CTNNA3: variants seen among roughly 807,000 people sequenced by gnomAD.
CTNNA3 encodes catenin alpha-3.
Under a neutral mutation model 95.7 loss-of-function variants are expected in CTNNA3, and 76 were observed. That is an observed-to-expected ratio of 0.79 (90% CI 0.66 to 0.96). CTNNA3 has a LOEUF of 0.96. Ranked by LOEUF, CTNNA3 falls within the 40% of genes least tolerant of loss-of-function variation. The pLI is 0.00. For missense variants in CTNNA3, 1,191 were observed against 1,089.8 expected, an observed-to-expected ratio of 1.09 and a Z score of -1.31; for synonymous variants, 431 against 374.4, an observed-to-expected ratio of 1.15 and a Z score of -1.74.
chr10:66,345,414 A>G (rs2092499012), intron 12 of CTNNA3, among the ~76,000 whole-genome samples: 1 of 152,144 alleles, frequency 6.6e-6, no homozygotes. Context: ...GCGTTAAATC[A>G]GGCAGTGTGA....
Position 66,182,739 on chromosome 10 carries a change from TTA to T in CTNNA3, c.1885-79492_1885-79491del, listed in dbSNP as rs1283797016. 6.9e-5 allele frequency among the ~76,000 whole-genome samples: 9 copies of T among 129,838 alleles called. No homozygotes were observed. The East Asian group carries it at 2.2e-3, about 32-fold the overall frequency. The allele number at this position is 129,838 out of a possible 152,430, so 85.2% of individuals were successfully genotyped here. A position where few individuals can be genotyped will look rare whatever the true frequency, so the allele number is the denominator to read the frequency against. ...AATGCCAAAAAAAGATGATTTTTTT[TTA>T]AAAGAAATAATTTAAGATCCTAAAA... On this transcript the variant is annotated intron_variant, in intron 13 of 17. Transcript: ENST00000433211.
intron 3 of CTNNA3, among the ~76,000 whole-genome samples, chr10:67,555,900 T>C (rs1841225094): frequency 6.6e-6 from 1 of 152,234 alleles, no homozygotes; most frequent in African/African-American, 2.4e-5. Context: ...TTTTCATACA[T>C]AGCTCTTATT....
rs1226338133 is a variant in CTNNA3 at position 66,020,995 on chromosome 10, GTTGATCACTGACTCTTTC to G, written c.2160-32216_2160-32199del. On this transcript the variant is annotated intron_variant, in intron 15 of 17. Transcript: ENST00000433211. ...GCCGATGATCTGAATTTTATTCATG[GTTGATCACTGACTCTTTC>G]TTGATCACTGACTCTTTCTTGATCT... Among the ~76,000 whole-genome samples, 14 of 152,178 alleles carry G rather than the reference GTTGATCACTGACTCTTTC, an allele frequency of 9.2e-5. No individual in the cohort carries two copies. In the East Asian group the frequency reaches 1.4e-3, roughly 15 times the overall value.
chr10:67,701,715 A>G (rs996288004), intron 1 of CTNNA3, among the ~76,000 whole-genome samples: 3 of 152,234 alleles, frequency 2.0e-5, no homozygotes. Context: ...AAACTGCATC[A>G]ACTAATGAGC....
Position 66,345,146 on chromosome 10 carries a change from GAA to G in CTNNA3, c.1732+34004_1732+34005del, listed in dbSNP as rs370839679. Among the ~76,000 whole-genome samples, 31 of 152,092 alleles carry G rather than the reference GAA, an allele frequency of 2.0e-4. No individual in the cohort carries two copies. The East Asian group carries it at 5.6e-3, about 27-fold the overall frequency. On this transcript the variant is annotated intron_variant, in intron 12 of 17. Coordinates refer to ENST00000433211, the MANE Select transcript of CTNNA3 (RefSeq NM_013266.4). ...GGCATAGAAATTTTGCCGGCATTCT[GAA>G]CTACAAATGCTGCTGTTAAGATAAT...
chr10:67,102,671 G>GT (rs1858407547), intron 7 of CTNNA3, among the ~76,000 whole-genome samples: 1 of 151,804 alleles, frequency 6.6e-6, no homozygotes, highest in South Asian at 2.1e-4. Context: ...TATTTCAAAT[G>GT]TATCAAGAGA....
intron 10 of CTNNA3, among the ~76,000 whole-genome samples, chr10:66,581,000 C>G (rs1036090002): frequency 2.0e-5 from 3 of 151,660 alleles, no homozygotes; most frequent in African/African-American, 7.3e-5. Flanking sequence ...CCTTCAGTAT[C>G]TCGTTTTCAA....
intron 5 of CTNNA3, among the ~76,000 whole-genome samples, chr10:67,309,733 G>A (rs777639709): frequency 6.6e-6 from 1 of 152,092 alleles, no homozygotes; most frequent in Non-Finnish European, 1.5e-5. Flanking sequence ...ATAATAAGTA[G>A]TTCTAAATTA....
chr10:66,100,140 T>A (rs1048490486), intron 14 of CTNNA3, among the ~76,000 whole-genome samples: 1 of 152,016 alleles, frequency 6.6e-6, no homozygotes, highest in African/African-American at 2.4e-5. Flanking sequence ...GAAGAACGAA[T>A]CAGGAAAGAA....
intron 7 of CTNNA3, among the ~76,000 whole-genome samples, chr10:67,092,911 T>C (rs1857741687): frequency 6.6e-6 from 1 of 152,026 alleles, no homozygotes; most frequent in South Asian, 2.1e-4. Flanking sequence ...GGTCAGCTAC[T>C]ACTACTCATT....
chr10:66,762,411 T>C (rs183651024), intron 9 of CTNNA3, among the ~76,000 whole-genome samples: 7 of 152,030 alleles, frequency 4.6e-5, no homozygotes, highest in African/African-American at 1.2e-4. Context: ...GTTTGCATAA[T>C]AGGTACTCAG....
chr10:66,248,383 T>G (rs554165075), intron 13 of CTNNA3, among the ~76,000 whole-genome samples: 204 of 149,326 alleles, frequency 1.4e-3, no homozygotes, highest in Non-Finnish European at 2.5e-3. Flanking sequence ...CAGGAGTAAG[T>G]CCTTATTTAT....
Position 67,385,024 on chromosome 10 carries a change from C to T in CTNNA3, c.579+136818G>A, listed in dbSNP as rs533564916. ...AGTGGTAAAGATTTGAATTTCTTTT[C>T]GGTTATTTTACATGCTACTTTGTTG... On this transcript the variant is annotated intron_variant, in intron 5 of 17. Coordinates refer to ENST00000433211, the MANE Select transcript of CTNNA3 (RefSeq NM_013266.4). Among the ~76,000 whole-genome samples the T allele has an allele frequency of 5.3e-5, 8 of 151,726 alleles. No individual in the cohort carries two copies. In the East Asian group the frequency reaches 9.7e-4, roughly 18 times the overall value.
intron 12 of CTNNA3, among the ~76,000 whole-genome samples, chr10:66,306,767 A>C (rs1466186096): frequency 6.6e-6 from 1 of 152,214 alleles, no homozygotes; most frequent in Non-Finnish European, 1.5e-5. Flanking sequence ...TAGTGGAGTT[A>C]AGAAAAAAAG....
At chr10:66,866,593 C>T (rs1437160848) in intron 7 of CTNNA3, among the ~76,000 whole-genome samples, 1 of 152,120 alleles carries the variant, frequency 6.6e-6, no homozygotes, top group Non-Finnish European at 1.5e-5. Flanking sequence ...TTATTTGACT[C>T]TACAAAATAT....
chr10:66,532,897 C>A (rs1841519920), intron 10 of CTNNA3, among the ~76,000 whole-genome samples: 1 of 152,128 alleles, frequency 6.6e-6, no homozygotes, highest in South Asian at 2.1e-4. Flanking sequence ...CCTTCTCTCT[C>A]CTTCTGATGG....
intron 4 of CTNNA3, among the ~76,000 whole-genome samples, chr10:67,532,196 A>G (rs752096673): frequency 5.3e-5 from 8 of 152,190 alleles, no homozygotes; most frequent in Non-Finnish European, 1.2e-4. Flanking sequence ...ATGCTTTTAC[A>G]TATTTTGCCT....
intron 5 of CTNNA3, among the ~76,000 whole-genome samples, chr10:67,288,985 A>G (rs1422644884): frequency 6.6e-6 from 1 of 152,106 alleles, no homozygotes; most frequent in African/African-American, 2.4e-5. Context: ...TAACAGATAA[A>G]TGATTTACAA....
chr10:65,948,280 CAAAAAA>C (rs56966630), intron 17 of CTNNA3, among the ~76,000 whole-genome samples: 1,322 of 97,720 alleles, frequency 0.014, 5 homozygotes, highest in Non-Finnish European at 0.02. Context: ...GACTCCATCT[CAAAAAA>C]AAAAAAAAAA....
Sources: allele counts gnomAD v4.1 joint callset (sites outside exome capture counted in the v4.1 genomes callset), GRCh38; gene constraint gnomAD v4.1.1; transcripts MANE v1.5; gene names NCBI Gene and HGNC (gene_info 2026-07-23, HGNC 2026-07-21).